Variants in CHCHD6 observed in about 807,000 individuals in gnomAD.
CHCHD6 encodes coiled-coil-helix-coiled-coil-helix domain containing 6.
A neutral mutation model predicts 32.3 loss-of-function variants in CHCHD6; 28 were observed. The ratio of observed to expected loss-of-function variants is 0.87; its 90% CI spans 0.64 to 1.19. The LOEUF is 1.19. Among genes scored for constraint, CHCHD6 ranks in the 50% most tolerant of loss-of-function variants. CHCHD6 has a pLI of 0.00. For synonymous variants in CHCHD6, 122 were observed against 117.5 expected (o/e 1.04, Z -0.25); for missense variants, 333 against 307.0 (o/e 1.08, Z -0.63).
intron 4 of CHCHD6, among the ~76,000 whole-genome samples, chr3:126,848,346 T>G (rs192168668): frequency 4.1e-4 from 63 of 152,356 alleles, no homozygotes; most frequent in Non-Finnish European, 7.2e-4. Context: ...CATTTTTTAT[T>G]TTGTAGATTT....
At chr3:126,805,499 G>A (rs1162165643) in intron 4 of CHCHD6, among the ~76,000 whole-genome samples, 2 of 152,110 alleles carry the variant, frequency 1.3e-5, no homozygotes, top group Admixed American at 6.5e-5. Context: ...TACAAGGGAT[G>A]TGAAGGACCT....
intron 6 of CHCHD6, among the ~76,000 whole-genome samples, chr3:126,939,898 G>A (rs1359745457): frequency 6.6e-6 from 1 of 152,102 alleles, no homozygotes; most frequent in Non-Finnish European, 1.5e-5. Context: ...CTCATCTTCT[G>A]TGATTATTAG....
chr3:126,759,557 T>G (rs990654251), intron 4 of CHCHD6, among the ~76,000 whole-genome samples: 9 of 152,200 alleles, frequency 5.9e-5, no homozygotes, highest in Non-Finnish European at 1.3e-4. Context: ...ACATTGATAT[T>G]GAAGAACCCA....
chr3:126,935,390 C>A (rs1372973012), intron 6 of CHCHD6, among the ~76,000 whole-genome samples: 4 of 152,208 alleles, frequency 2.6e-5, no homozygotes, highest in Admixed American at 6.5e-5. Flanking sequence ...AGCTCAGCCC[C>A]AGAATAACTA....
chr3:126,748,519 C>T (rs1402391428), intron 4 of CHCHD6, among the ~76,000 whole-genome samples: 5 of 149,934 alleles, frequency 3.3e-5, no homozygotes, highest in East Asian at 2.0e-4. Flanking sequence ...TGCTTGAACC[C>T]GGGAGGCGGA....
chr3:126,766,772 C>T, intron 4 of CHCHD6: 2 of 1,135,554 alleles, frequency 1.8e-6, no homozygotes. Flanking sequence ...TTGGTGGCCC[C>T]CTGGAAAAAC....
chr3:126,737,569 G>A (rs985555665), intron 4 of CHCHD6, among the ~76,000 whole-genome samples: 7 of 152,026 alleles, frequency 4.6e-5, no homozygotes, highest in Admixed American at 2.0e-4. Flanking sequence ...TGACCACATA[G>A]CGTTGCAAGG....
intron 4 of CHCHD6, among the ~76,000 whole-genome samples, chr3:126,816,185 GTGT>G (rs1240862711): frequency 2.0e-5 from 3 of 152,098 alleles, no homozygotes; most frequent in Admixed American, 6.5e-5. Context: ...AAGAGGAGGA[GTGT>G]TGTTGTTAAT....
At chr3:126,826,349 T>C (rs1940390581) in intron 4 of CHCHD6, among the ~76,000 whole-genome samples, 1 of 152,232 alleles carries the variant, frequency 6.6e-6, no homozygotes, top group Admixed American at 6.5e-5. Context: ...GTCTTATAAA[T>C]ACAGTCATGT....
At chr3:126,767,524 A>G in intron 4 of CHCHD6, 1 of 486,350 alleles carries the variant, frequency 2.1e-6, no homozygotes, top group African/African-American at 2.0e-5. Flanking sequence ...TGTCCAGACC[A>G]TGATTTTCCC....
At chr3:126,737,526 G>T (rs753521383) in intron 4 of CHCHD6, among the ~76,000 whole-genome samples, 12 of 151,890 alleles carry the variant, frequency 7.9e-5, no homozygotes, top group Non-Finnish European at 1.6e-4. Flanking sequence ...TTGAGAAGAT[G>T]TGTTTATTAG....
intron 5 of CHCHD6, among the ~76,000 whole-genome samples, chr3:126,910,732 A>T (rs1178125239): frequency 6.6e-6 from 1 of 152,194 alleles, no homozygotes; most frequent in Non-Finnish European, 1.5e-5. Context: ...AAGGGATGAC[A>T]CTACAGGGTA....
intron 6 of CHCHD6, among the ~76,000 whole-genome samples, chr3:126,936,059 A>T (rs1053461714): frequency 6.6e-6 from 1 of 152,218 alleles, no homozygotes; most frequent in Non-Finnish European, 1.5e-5. Flanking sequence ...AAAATGGATT[A>T]TACAGGGCAT....
chr3:126,708,168 C>G (rs571076434), intron 1 of CHCHD6, among the ~76,000 whole-genome samples: 2 of 152,368 alleles, frequency 1.3e-5, no homozygotes, highest in Admixed American at 1.3e-4. Context: ...CATATTCACT[C>G]TGTGCTAAGC....
At chr3:126,820,530 C>T (rs1940102225) in intron 4 of CHCHD6, among the ~76,000 whole-genome samples, 1 of 152,322 alleles carries the variant, frequency 6.6e-6, no homozygotes, top group East Asian at 1.9e-4. Flanking sequence ...CTGTGAGGTT[C>T]ACCCATGTAT....
At chr3:126,788,490 T>G (rs1434848320) in intron 4 of CHCHD6, among the ~76,000 whole-genome samples, 1 of 152,156 alleles carries the variant, frequency 6.6e-6, no homozygotes, top group East Asian at 1.9e-4. Context: ...TTAATTATTG[T>G]CTCAATTTCA....
At chr3:126,853,268 A>C (rs1290308201) in intron 5 of CHCHD6, among the ~76,000 whole-genome samples, 1 of 151,790 alleles carries the variant, frequency 6.6e-6, no homozygotes, top group Non-Finnish European at 1.5e-5. Flanking sequence ...AAAAAAAAAA[A>C]AAAACCCCTA....
intron 1 of CHCHD6, among the ~76,000 whole-genome samples, chr3:126,716,401 G>A (rs1020687639): frequency 2.0e-5 from 3 of 152,040 alleles, no homozygotes; most frequent in African/African-American, 4.8e-5. Flanking sequence ...GCTGGAACTC[G>A]GAGTTCCATT....
chr3:126,715,755 T>A (rs577528581), intron 1 of CHCHD6, among the ~76,000 whole-genome samples: 2 of 152,008 alleles, frequency 1.3e-5, no homozygotes, highest in African/African-American at 4.8e-5. Flanking sequence ...ACTTTAGGAG[T>A]TTTTCTTCTT....
Sources: allele counts gnomAD v4.1 joint callset (sites outside exome capture counted in the v4.1 genomes callset), GRCh38; gene constraint gnomAD v4.1.1; transcripts MANE v1.5; gene names NCBI Gene and HGNC (gene_info 2026-07-23, HGNC 2026-07-21).